The following ANK2 variants were observed in gnomAD, a reference collection of about 807,000 sequenced individuals.
ANK2 encodes ankyrin-2.
In ANK2, 83 loss-of-function variants were observed where a neutral mutation model predicts 360.5. The observed-to-expected ratio is 0.23, with a 90% CI of 0.19 to 0.28. ANK2 has a LOEUF of 0.28. ANK2 is among the 10% of genes least tolerant of loss of function. The pLI is 1.00. For missense variants in ANK2, 4,201 were observed against 4,795.7 expected (o/e 0.88, Z 3.66); for synonymous variants, 1,740 against 1,759.5 (o/e 0.99, Z 0.28).
intron 1 of ANK2, among the ~76,000 whole-genome samples, chr4:112,891,779 G>A (rs965278718): frequency 2.6e-5 from 4 of 152,108 alleles, no homozygotes; most frequent in African/African-American, 7.2e-5. Context: ...CTATTATTAC[G>A]CATGGAGAAA....
rs750450071 is a variant in ANK2 at position 113,353,457 on chromosome 4, A to C, written c.4839A>C (p.Glu1613Asp). 2 of 1,614,104 alleles carry C rather than the reference A, an allele frequency of 1.2e-6. No individual in the cohort carries two copies. Among genetic ancestry groups the C allele is most frequent in the South Asian group, 1.1e-5 (1 of 91,084 alleles). ...AAAAAGCACCTTTAGAAATCACTGA[A>C]TATCCATGTGTAGAAGTTAGAATAG... ...ARQKAPLEIT[E>D]YPCVEVRIDK... Residue 1613 changes from glutamate (E) to aspartate (D), a missense_variant, in exon 38 of 46, where the codon GAA (glutamate) becomes GAC (aspartate). By Grantham distance (45) the Glu-to-Asp change is conservative. Coordinates refer to ENST00000357077, the MANE Select transcript of ANK2 (RefSeq NM_001148.6).
chr4:112,972,825 A>T (rs1404775016), intron 2 of ANK2, among the ~76,000 whole-genome samples: 1 of 152,196 alleles, frequency 6.6e-6, no homozygotes, highest in Non-Finnish European at 1.5e-5. Flanking sequence ...TATACCATGG[A>T]ATACTACTCA....
intron 22 of ANK2, among the ~76,000 whole-genome samples, chr4:113,300,243 T>C (rs933494383): frequency 6.6e-6 from 1 of 152,158 alleles, no homozygotes; most frequent in Non-Finnish European, 1.5e-5. Context: ...TCACTAGAAA[T>C]ATGCAGGCAA....
At chr4:113,247,540 G>C (rs758773339) in intron 9 of ANK2, among the ~76,000 whole-genome samples, 22 of 152,162 alleles carry the variant, frequency 1.4e-4, no homozygotes, top group Non-Finnish European at 7.3e-5. Context: ...GTTTCAACAT[G>C]ATTACACAAA....
At chr4:113,350,350 A>T in intron 37 of ANK2, 101 bp downstream of exon 37, 1 of 966,850 alleles carries the variant, frequency 1.0e-6, no homozygotes, top group East Asian at 2.6e-5. Flanking sequence ...CCACTATAGT[A>T]ATTACATTTT....
intron 1 of ANK2, among the ~76,000 whole-genome samples, chr4:113,063,011 G>A (rs1452939892): frequency 6.6e-6 from 1 of 152,060 alleles, no homozygotes; most frequent in African/African-American, 2.4e-5. Flanking sequence ...CAGATGATAA[G>A]TGCCTGTGTT....
At chr4:113,019,875 C>A (rs1426424661) in intron 2 of ANK2, among the ~76,000 whole-genome samples, 1 of 150,138 alleles carries the variant, frequency 6.7e-6, no homozygotes, top group Non-Finnish European at 1.5e-5. Flanking sequence ...TTTTTTTAAA[C>A]CTAGGCTAGG....
chr4:113,053,514 A>C (rs182221940), intron 1 of ANK2, among the ~76,000 whole-genome samples: 65 of 152,324 alleles, frequency 4.3e-4, no homozygotes, highest in Non-Finnish European at 5.6e-4. Flanking sequence ...TCCAGGACTA[A>C]AAAGAAGCAT....
In ANK2 at chr4:113,357,469, A is replaced by G. The variant is rs761093634; in HGVS notation, c.8851A>G (p.Thr2951Ala). 3 of 1,614,114 alleles carry G rather than the reference A, an allele frequency of 1.9e-6. No individual in the cohort carries two copies. Among genetic ancestry groups the G allele is most frequent in the Non-Finnish European group, 2.5e-6 (3 of 1,179,980 alleles). Residue 2951 changes from threonine (T) to alanine (A), a missense_variant, in exon 38 of 46, where the codon ACC (threonine) becomes GCC (alanine). This residue lies in a region of ANK2 where 2,642 missense variants were observed against 2,714.5 expected (regional missense o/e 0.97). Coordinates refer to ENST00000357077, the MANE Select transcript of ANK2 (RefSeq NM_001148.6). ...ESKTQTDANH[T>A]TSFHSSEVYS... is the part of the protein sequence containing the mutation. ...CAAAACCCAAACAGATGCAAATCAC[A>G]CCACAAGTTTTCACTCTTCTGAAGT... is the stretch of plus-strand genomic sequence containing the variant.
intron 1 of ANK2, chr4:113,151,083 A>T: frequency 7.8e-7 from 1 of 1,288,948 alleles, no homozygotes; most frequent in Non-Finnish European, 1.0e-6. Flanking sequence ...ACTACAGGTG[A>T]CATGCCCCCA....
intron 8 of ANK2, among the ~76,000 whole-genome samples, chr4:113,241,220 A>G (rs1486170078): frequency 6.6e-6 from 1 of 152,236 alleles, no homozygotes; most frequent in Non-Finnish European, 1.5e-5. Flanking sequence ...CAATAAAATA[A>G]ATAAATATAA....
intron 1 of ANK2, among the ~76,000 whole-genome samples, chr4:112,850,246 T>C (rs1328904866): frequency 1.4e-5 from 2 of 139,636 alleles, no homozygotes; most frequent in Non-Finnish European, 3.1e-5. Context: ...CCATAAGAAA[T>C]TTCATCTATC....
chr4:113,264,806 T>C, intron 13 of ANK2, 91 bp from the exon 14 acceptor site: 3 of 1,235,478 alleles, frequency 2.4e-6, no homozygotes, highest in Non-Finnish European at 3.5e-6. Context: ...CTTGGATATA[T>C]TGCTGAATTT....
At chr4:113,208,572 G>C (rs2098982626) in intron 4 of ANK2, among the ~76,000 whole-genome samples, 2 of 151,878 alleles carry the variant, frequency 1.3e-5, no homozygotes, top group South Asian at 4.1e-4. Flanking sequence ...GCATGATATA[G>C]CTCACTGCAG....
chr4:112,895,877 C>G (rs184264904), intron 1 of ANK2, among the ~76,000 whole-genome samples: 52 of 152,342 alleles, frequency 3.4e-4, no homozygotes, highest in African/African-American at 1.2e-3. Context: ...AACTGGTCAA[C>G]TCTGAGAGTA....
intron 37 of ANK2, among the ~76,000 whole-genome samples, chr4:113,351,995 A>G (rs2095441148): frequency 6.6e-6 from 1 of 152,174 alleles, no homozygotes; most frequent in African/African-American, 2.4e-5. Context: ...AGCCCCCACA[A>G]CCTAAGCCTC....
At chr4:113,145,665 A>G (rs1430608401) in intron 1 of ANK2, 15 of 1,131,148 alleles carry the variant, frequency 1.3e-5, no homozygotes, top group Admixed American at 3.7e-5. Context: ...TGCAGCCTGC[A>G]GTTGCCGGGG....
intron 20 of ANK2, among the ~76,000 whole-genome samples, chr4:113,290,468 A>G (rs904498265): frequency 1.3e-5 from 2 of 152,228 alleles, no homozygotes; most frequent in Admixed American, 6.5e-5. Flanking sequence ...CTTGTTTTAT[A>G]AGACTATTTG....
rs186805673 is a variant in ANK2, at chr4:113,083,171, T to A, written c.84+33359T>A. Among the ~76,000 whole-genome samples the A allele has an allele frequency of 5.3e-4, 80 of 152,212 alleles. 1 individual carries two copies. The East Asian group carries it at 0.012, about 23-fold the overall frequency. ...CATATGTATACATGTGCCATGCTGG[T>A]GTGCTGCATTGTTGTTTTATTTTGA... On this transcript the variant is annotated intron_variant, in intron 1 of 45. Transcript: ENST00000357077.
Sources: allele counts gnomAD v4.1 joint callset (sites outside exome capture counted in the v4.1 genomes callset), GRCh38; gene constraint gnomAD v4.1.1; regional missense constraint gnomAD v4.1.1; transcripts MANE v1.5; gene names NCBI Gene and HGNC (gene_info 2026-07-23, HGNC 2026-07-21).